The following SLC13A1 variants were observed in gnomAD, a reference collection of about 807,000 sequenced individuals.
SLC13A1 encodes the protein solute carrier family 13 member 1, also known as Na(+)/sulfate cotransporter.
SLC13A1 carries 65 observed loss-of-function variants against 70.0 expected under a neutral mutation model. The observed-to-expected ratio is 0.93, with a 90% confidence interval of 0.76 to 1.14. SLC13A1 has a LOEUF of 1.14. SLC13A1 is among the 50% of genes most tolerant of loss of function. The probability of loss-of-function intolerance (pLI) is 0.00; values close to 1 mark genes in which losing one functional copy is unlikely to be tolerated. For synonymous variants in SLC13A1, 275 were observed against 250.5 expected, an observed-to-expected ratio of 1.10 and a Z score of -0.92; for missense variants, 726 against 717.8, an observed-to-expected ratio of 1.01 and a Z score of -0.13.
chr7:123,153,060 T>A (rs772932861), intron 6 of SLC13A1, among the ~76,000 whole-genome samples: 2 of 151,978 alleles, frequency 1.3e-5, no homozygotes, highest in Non-Finnish European at 2.9e-5. Flanking sequence ...CTTAAAACTT[T>A]CAAAAATATA....
rs191589839 is a variant in SLC13A1, at chr7:123,145,498, G to T, written c.812+1661C>A. Among the ~76,000 whole-genome samples, 6 of 152,290 alleles carry T rather than the reference G, an allele frequency of 3.9e-5. 1 individual carries two copies. The highest frequency in any genetic ancestry group is 6.5e-5 in the Admixed American group (1 of 15,298). On this transcript the variant is annotated intron_variant, in intron 7 of 14. Coordinates refer to ENST00000194130, the MANE Select transcript of SLC13A1 (RefSeq NM_022444.4). ...GAATTCGGTCTGGATATTAGAAAAA[G>T]AAATTCACAGACAGGAACTAAGATG...
intron 2 of SLC13A1, among the ~76,000 whole-genome samples, chr7:123,177,000 G>A (rs574753783): frequency 6.6e-6 from 1 of 152,028 alleles, no homozygotes; most frequent in African/African-American, 2.4e-5. Context: ...CTGCAGATTA[G>A]CTCTCTCTCA....
intron 12 of SLC13A1, among the ~76,000 whole-genome samples, chr7:123,122,467 A>G (rs1213006146): frequency 2.0e-5 from 3 of 152,132 alleles, no homozygotes; most frequent in Non-Finnish European, 4.4e-5. Flanking sequence ...CAACAACTCT[A>G]CAAAGACCAG....
intron 6 of SLC13A1, among the ~76,000 whole-genome samples, chr7:123,149,013 G>A (rs569048762): frequency 6.6e-6 from 1 of 152,116 alleles, no homozygotes; most frequent in Non-Finnish European, 1.5e-5. Context: ...AATTTTATGA[G>A]ATTTTATGAG....
intron 2 of SLC13A1, among the ~76,000 whole-genome samples, chr7:123,173,428 G>T (rs1293406374): frequency 2.0e-5 from 3 of 151,922 alleles, no homozygotes; most frequent in Non-Finnish European, 2.9e-5. Flanking sequence ...CAATTTCCTT[G>T]CTATTTCATT....
chr7:123,131,794 A>G (rs2116326989), intron 8 of SLC13A1, among the ~76,000 whole-genome samples: 1 of 152,344 alleles, frequency 6.6e-6, no homozygotes, highest in East Asian at 1.9e-4. Flanking sequence ...CTGTTTAAAC[A>G]TACCACTCAT....
chr7:123,199,184 AT>A (rs1202903902), intron 1 of SLC13A1, among the ~76,000 whole-genome samples: 1 of 152,156 alleles, frequency 6.6e-6, no homozygotes, highest in East Asian at 1.9e-4. Context: ...GAAATTAAAC[AT>A]GCTTGAGCTT....
chr7:123,143,978 T>C (rs1244550992), intron 7 of SLC13A1, among the ~76,000 whole-genome samples: 2 of 152,172 alleles, frequency 1.3e-5, no homozygotes, highest in Non-Finnish European at 2.9e-5. Context: ...TGGAGTAGAT[T>C]TTAGTTTACA....
At chr7:123,180,751 T>G (rs28364185) in intron 2 of SLC13A1, among the ~76,000 whole-genome samples, 63 of 152,206 alleles carry the variant, frequency 4.1e-4, no homozygotes, top group Middle Eastern at 3.4e-3. Context: ...GGACATACAT[T>G]TCTCCCACTG....
At chr7:123,129,231 C>T (rs1202018190) in intron 9 of SLC13A1, 152 bp downstream of exon 9, 3 of 689,416 alleles carry the variant, frequency 4.4e-6, no homozygotes, top group African/African-American at 3.7e-5. Flanking sequence ...AAATTTGGGG[C>T]CCTAATCAAG....
At chr7:123,196,567 T>A (rs906082331) in intron 1 of SLC13A1, among the ~76,000 whole-genome samples, 2 of 151,916 alleles carry the variant, frequency 1.3e-5, no homozygotes, top group South Asian at 2.1e-4. Flanking sequence ...GGGCACCATA[T>A]CCTGACAAGC....
chr7:123,165,231 G>A lies in SLC13A1; in HGVS notation c.660+3143C>T, dbSNP rs951760933. ...TATATAAAATAATGCTTTCATGCAT[G>A]TCTTATAAAGAATACTTTAGTGCAG... On this transcript the variant is annotated intron_variant, in intron 6 of 14. Coordinates refer to ENST00000194130, the MANE Select transcript of SLC13A1 (RefSeq NM_022444.4). Among the ~76,000 whole-genome samples, 21 of 152,048 alleles carry A rather than the reference G, an allele frequency of 1.4e-4. No individual in the cohort carries two copies. In the South Asian group the frequency reaches 3.7e-3, roughly 27 times the overall value.
At chr7:123,134,021 GT>G (rs908465289) in intron 8 of SLC13A1, among the ~76,000 whole-genome samples, 1 of 151,398 alleles carries the variant, frequency 6.6e-6, no homozygotes, top group African/African-American at 2.4e-5. Flanking sequence ...TAGGGGGGAG[GT>G]TTTTTTTGTT....
At chr7:123,129,324 C>G (rs1385747928) in intron 9 of SLC13A1, 59 bp downstream of exon 9, 5 of 778,988 alleles carry the variant, frequency 6.4e-6, no homozygotes, top group Non-Finnish European at 1.0e-5. Context: ...TCTCTCTTCT[C>G]TGTGTGTGTG....
chr7:123,172,664 G>T (rs1795313857), intron 2 of SLC13A1, among the ~76,000 whole-genome samples: 1 of 152,106 alleles, frequency 6.6e-6, no homozygotes, highest in African/African-American at 2.4e-5. Flanking sequence ...ACCCTCAAAT[G>T]AGACTTAATA....
In SLC13A1 at chr7:123,117,608, C is replaced by T. The variant is rs1399463957; in HGVS notation, c.1513G>A (p.Ala505Thr). ...AGAGGGTTCACATGAATGGCTTCGG[C>T]CTGTTGTAAGAGATAAAAAAGAGTC... ...TLFLPILSPLAEAIHVNPLYI... is the reference protein window; with the variant it reads ...TLFLPILSPLTEAIHVNPLYI... Residue 505 changes from alanine to threonine, a missense_variant and splice_region_variant, in exon 14 of 15, where the codon GCC (alanine) becomes ACC (threonine). Coordinates refer to ENST00000194130, the MANE Select transcript of SLC13A1 (RefSeq NM_022444.4). 2 of 1,596,912 alleles carry T rather than the reference C, an allele frequency of 1.3e-6. No individual in the cohort carries two copies. Among genetic ancestry groups the T allele is most frequent in the South Asian group, 1.1e-5 (1 of 88,366 alleles).
chr7:123,128,461 G>A (rs1793639116), intron 10 of SLC13A1, among the ~76,000 whole-genome samples: 1 of 152,014 alleles, frequency 6.6e-6, no homozygotes, highest in African/African-American at 2.4e-5. Flanking sequence ...TCCAAAGTAA[G>A]GGGATGAGTC....
intron 10 of SLC13A1, among the ~76,000 whole-genome samples, chr7:123,127,407 T>A (rs999981890): frequency 6.6e-6 from 1 of 152,118 alleles, no homozygotes; most frequent in African/African-American, 2.4e-5. Flanking sequence ...TATCTCTGAT[T>A]TCATTTAATT....
At chr7:123,123,805 A>G (rs1793468420) in intron 11 of SLC13A1, among the ~76,000 whole-genome samples, 1 of 152,170 alleles carries the variant, frequency 6.6e-6, no homozygotes, top group African/African-American at 2.4e-5. Context: ...TTATAAAAGG[A>G]TTATCATAAA....
Sources: gnomAD v4.1 joint callset for allele counts (sites outside exome capture counted in the v4.1 genomes callset) on GRCh38, gnomAD v4.1.1 for gene constraint, MANE v1.5 for transcripts, NCBI Gene and HGNC (gene_info 2026-07-23, HGNC 2026-07-21) for gene names.